Variants in PPP2R2B observed in about 807,000 individuals in gnomAD.
PPP2R2B encodes the protein serine/threonine-protein phosphatase 2A 55 kDa regulatory subunit B beta isoform.
PPP2R2B carries 5 observed loss-of-function variants against 46.0 expected under a neutral mutation model. The observed-to-expected ratio is 0.11, with a 90% confidence interval of 0.06 to 0.23. The LOEUF is 0.23. PPP2R2B is among the 10% of genes least tolerant of loss of function. The pLI is 1.00. For missense variants in PPP2R2B, 367 were observed against 575.0 expected, an observed-to-expected ratio of 0.64 and a Z score of 3.70; for synonymous variants, 215 against 206.7, an observed-to-expected ratio of 1.04 and a Z score of -0.34.
intron 1 of PPP2R2B, among the ~76,000 whole-genome samples, chr5:146,936,594 TCAAA>T (rs1764149902): frequency 2.0e-5 from 3 of 147,898 alleles, no homozygotes; most frequent in Admixed American, 2.0e-4. Flanking sequence ...ATCACTAGGC[TCAAA>T]CAAACAGAAC....
upstream of PPP2R2B, among the ~76,000 whole-genome samples, chr5:146,882,666 C>T (rs986783518): frequency 7.2e-5 from 11 of 152,160 alleles, no homozygotes; most frequent in African/African-American, 2.7e-4. Flanking sequence ...AGCAAATGTG[C>T]AAGTACTTAA....
At chr5:147,079,445 CATATAT>C (rs58393815) in intron 2 of PPP2R2B, among the ~76,000 whole-genome samples, 28 of 132,286 alleles carry the variant, frequency 2.1e-4, no homozygotes, top group South Asian at 7.5e-4. Flanking sequence ...TATATATATA[CATATAT>C]ATATATATAT....
At chr5:146,834,800 A>G (rs1218196184) in intron 2 of PPP2R2B, among the ~76,000 whole-genome samples, 1 of 152,034 alleles carries the variant, frequency 6.6e-6, no homozygotes, top group Non-Finnish European at 1.5e-5. Flanking sequence ...AGCAGTCCTC[A>G]GTGTCTATTT....
intron 1 of PPP2R2B, among the ~76,000 whole-genome samples, chr5:147,006,823 G>C (rs1015156368): frequency 6.6e-6 from 1 of 152,006 alleles, no homozygotes; most frequent in Non-Finnish European, 1.5e-5. Context: ...CATCTTCTTA[G>C]GGGAAGAGTG....
At chr5:146,663,081 T>G (rs1561813397) in intron 5 of PPP2R2B, among the ~76,000 whole-genome samples, 1 of 152,206 alleles carries the variant, frequency 6.6e-6, no homozygotes, top group Non-Finnish European at 1.5e-5. Context: ...CTTAAAACTA[T>G]TAATTCATTT....
intron 5 of PPP2R2B, 126 bp from the exon 6 acceptor site, chr5:146,650,850 G>T: frequency 1.2e-6 from 1 of 832,886 alleles, no homozygotes; most frequent in Non-Finnish European, 1.8e-6. Flanking sequence ...CCAAGTTAGA[G>T]AAAGAAGAGG....
At chr5:146,900,042 TCAAA>T (rs1272341701) in intron 1 of PPP2R2B, among the ~76,000 whole-genome samples, 2 of 152,146 alleles carry the variant, frequency 1.3e-5, no homozygotes, top group Admixed American at 1.3e-4. Flanking sequence ...AAAGAACAAC[TCAAA>T]CAAGATTTCT....
At chr5:146,815,991 A>T (rs1757910082) in intron 2 of PPP2R2B, among the ~76,000 whole-genome samples, 2 of 152,174 alleles carry the variant, frequency 1.3e-5, no homozygotes, top group South Asian at 4.1e-4. Flanking sequence ...CACTCCTCCA[A>T]CCTAAGTCTG....
intron 1 of PPP2R2B, among the ~76,000 whole-genome samples, chr5:147,009,726 G>A (rs967346195): frequency 5.9e-5 from 9 of 151,880 alleles, no homozygotes; most frequent in Middle Eastern, 3.2e-3. Flanking sequence ...AGACTTTAAG[G>A]TTACATACAG....
chr5:146,682,776 T>C (rs1778261289), intron 5 of PPP2R2B, among the ~76,000 whole-genome samples: 1 of 151,998 alleles, frequency 6.6e-6, no homozygotes, highest in African/African-American at 2.4e-5. Flanking sequence ...AGAAGTTGAG[T>C]TATAAAAGGC....
chr5:146,697,204 G>A (rs1332465707), intron 4 of PPP2R2B, among the ~76,000 whole-genome samples: 1 of 151,850 alleles, frequency 6.6e-6, no homozygotes, highest in Non-Finnish European at 1.5e-5. Context: ...TTTTAAATAC[G>A]AATCCTCTTA....
chr5:146,671,313 G>C lies in PPP2R2B; in HGVS notation c.447+19815C>G, dbSNP rs114680935. 4.5e-3 allele frequency among the ~76,000 whole-genome samples: 690 copies of C among 152,220 alleles called. 6 individuals carry two copies. The highest frequency in any genetic ancestry group is 0.016 in the African/African-American group (664 of 41,536). ...TTGGGTCTTGAGAATAGAAAAACAC[G>C]TCTCTGTCCTTAGGTTGTCCAGTGT... On this transcript the variant is annotated intron_variant, in intron 5 of 9. Transcript: ENST00000394411.
chr5:147,074,385 G>A (rs756249936), intron 2 of PPP2R2B, among the ~76,000 whole-genome samples: 11 of 152,166 alleles, frequency 7.2e-5, no homozygotes, highest in Non-Finnish European at 1.5e-4. Flanking sequence ...CCTTCACCCT[G>A]TATTCAGGAG....
At position 146,878,669 on chromosome 5, in the gene PPP2R2B, C is replaced by T; in HGVS notation, c.-203G>A. The T allele has an allele frequency of 1.6e-6, 2 of 1,286,440 alleles. No homozygotes were observed. Among genetic ancestry groups the T allele is most frequent in the East Asian group, 3.3e-5 (1 of 29,894 alleles). 79.7% of individuals were successfully genotyped at this position (1,286,440 alleles called of 1,614,324 possible). On this transcript the variant is annotated 5_prime_UTR_variant, in exon 1 of 10. Transcript: ENST00000394411. This position sits in a 1 kb window ranked among gnomAD's most constrained non-coding sequence, Gnocchi z 4.5. ...GTAGGGAAGCTGGCGGGGAGCTGGGCAGGGCGCTGCAGCCGGCGCCAGCGC... is the reference window on the plus strand; with the variant it reads ...GTAGGGAAGCTGGCGGGGAGCTGGGTAGGGCGCTGCAGCCGGCGCCAGCGC...
chr5:146,886,292 C>T (rs1203108716), intron 1 of PPP2R2B, among the ~76,000 whole-genome samples: 1 of 151,728 alleles, frequency 6.6e-6, no homozygotes, highest in Non-Finnish European at 1.5e-5. Flanking sequence ...TGAGCCGAGA[C>T]TGCGCCACAG....
intron 4 of PPP2R2B, among the ~76,000 whole-genome samples, chr5:146,695,939 C>G (rs1482932884): frequency 6.6e-6 from 1 of 152,138 alleles, no homozygotes; most frequent in Non-Finnish European, 1.5e-5. Flanking sequence ...TTTTGAGATG[C>G]TGTTGGCATA....
chr5:146,691,040 G>T, intron 5 of PPP2R2B, 88 bp downstream of exon 5: 1 of 1,150,342 alleles, frequency 8.7e-7, no homozygotes, highest in Non-Finnish European at 1.3e-6. Flanking sequence ...GCCCATTATA[G>T]TTGCAACCTA....
chr5:146,993,667 T>C (rs1466456726), intron 1 of PPP2R2B, among the ~76,000 whole-genome samples: 3 of 152,176 alleles, frequency 2.0e-5, no homozygotes, highest in Non-Finnish European at 4.4e-5. Flanking sequence ...AGCTTTCTTA[T>C]TTGTAAAAAT....
At chr5:146,929,252 C>T (rs1480086118) in intron 1 of PPP2R2B, among the ~76,000 whole-genome samples, 1 of 152,152 alleles carries the variant, frequency 6.6e-6, no homozygotes, top group Admixed American at 6.6e-5. Flanking sequence ...TAATGTTTGT[C>T]ATCTGTCTCC....
Sources: gnomAD v4.1 joint callset for allele counts (sites outside exome capture counted in the v4.1 genomes callset) on GRCh38, gnomAD v4.1.1 for gene constraint, Gnocchi (gnomAD v3.1) non-coding constraint, MANE v1.5 for transcripts, NCBI Gene and HGNC (gene_info 2026-07-23, HGNC 2026-07-21) for gene names.